The following PPP3CA variants were observed in gnomAD, a reference collection of about 807,000 sequenced individuals.
PPP3CA encodes the protein protein phosphatase 3 catalytic subunit alpha.
Under a neutral mutation model 66.5 loss-of-function variants are expected in PPP3CA, and 14 were observed. That is an observed-to-expected ratio of 0.21 (90% CI 0.14 to 0.33). PPP3CA has a LOEUF of 0.33. Among genes scored for constraint, PPP3CA ranks in the 10% least tolerant of loss-of-function variants. PPP3CA has a pLI of 1.00. For missense variants in PPP3CA, 317 were observed against 639.5 expected (o/e 0.50, Z 5.44); for synonymous variants, 232 against 226.2 (o/e 1.03, Z -0.23).
At chr4:101,295,325 A>G (rs1029139528) in intron 1 of PPP3CA, among the ~76,000 whole-genome samples, 1 of 151,144 alleles carries the variant, frequency 6.6e-6, no homozygotes, top group East Asian at 1.9e-4. Flanking sequence ...AAAAAAAAAA[A>G]AAAAAAGAAA....
At chr4:101,173,505 ATATTTAC>A (rs1320370781) in intron 2 of PPP3CA, among the ~76,000 whole-genome samples, 4 of 152,316 alleles carry the variant, frequency 2.6e-5, no homozygotes, top group African/African-American at 9.6e-5. Flanking sequence ...TAACAGTATC[ATATTTAC>A]ACTACACACT....
intron 1 of PPP3CA, among the ~76,000 whole-genome samples, chr4:101,277,305 T>C (rs939035988): frequency 6.6e-6 from 1 of 152,208 alleles, no homozygotes; most frequent in Non-Finnish European, 1.5e-5. Flanking sequence ...CATTCACTTA[T>C]TGAAAGACAT....
intron 2 of PPP3CA, among the ~76,000 whole-genome samples, chr4:101,130,499 G>A (rs1320193951): frequency 6.6e-6 from 1 of 152,172 alleles, no homozygotes; most frequent in Non-Finnish European, 1.5e-5. Flanking sequence ...AGCAGCCAGA[G>A]AGAATGGTTG....
At position 101,341,758 on chromosome 4, in the gene PPP3CA, T is replaced by C. The variant is rs2110342651; in HGVS notation, c.58+4981A>G. On this transcript the variant is annotated intron_variant, in intron 1 of 13. Coordinates refer to ENST00000394854, the MANE Select transcript of PPP3CA (RefSeq NM_000944.5). ...GTTCAAGGTCTCACCATATCCCTCT[T>C]GTATATCAAGAGACTGCTACATCAG... 2.0e-5 allele frequency among the ~76,000 whole-genome samples: 3 copies of C among 152,322 alleles called. No homozygotes were observed. In the South Asian group the frequency reaches 6.2e-4, roughly 32 times the overall value.
intron 1 of PPP3CA, among the ~76,000 whole-genome samples, chr4:101,263,448 T>G (rs75428804): frequency 0.014 from 2,120 of 152,288 alleles, 51 homozygotes; most frequent in African/African-American, 0.048. Context: ...CAAACAAATG[T>G]TTTTGTTAAT....
At chr4:101,050,668 C>A (rs1727969310) in intron 10 of PPP3CA, among the ~76,000 whole-genome samples, 1 of 152,166 alleles carries the variant, frequency 6.6e-6, no homozygotes. Context: ...AACAAGGATT[C>A]ATTACAGTAC....
At chr4:101,319,002 T>A (rs1728960999) in intron 1 of PPP3CA, among the ~76,000 whole-genome samples, 6 of 152,096 alleles carry the variant, frequency 3.9e-5, no homozygotes, top group Admixed American at 3.9e-4. Flanking sequence ...TAGCTCCATT[T>A]CTGCTGGACA....
intron 2 of PPP3CA, among the ~76,000 whole-genome samples, chr4:101,140,735 TATC>T (rs139071137): frequency 0.04 from 6,046 of 152,284 alleles, 200 homozygotes; most frequent in Middle Eastern, 0.11. Flanking sequence ...ATATTAGAAT[TATC>T]ATGCAGAATG....
At chr4:101,241,106 A>G (rs1726293423) in intron 1 of PPP3CA, among the ~76,000 whole-genome samples, 1 of 151,940 alleles carries the variant, frequency 6.6e-6, no homozygotes, top group Admixed American at 6.6e-5. Context: ...GACTCAAGCA[A>G]TCCTCCTGCT....
intron 2 of PPP3CA, among the ~76,000 whole-genome samples, chr4:101,148,735 T>C (rs1005158172): frequency 2.0e-5 from 3 of 152,096 alleles, no homozygotes; most frequent in Admixed American, 1.3e-4. Flanking sequence ...AAATGTACCA[T>C]CAGACCCAGG....
intron 2 of PPP3CA, among the ~76,000 whole-genome samples, chr4:101,135,230 A>C (rs1722579197): frequency 7.3e-6 from 1 of 137,076 alleles, no homozygotes; most frequent in Non-Finnish European, 1.5e-5. Context: ...ACAATAAAAA[A>C]ATTTTAATCC....
chr4:101,206,881 C>A (rs1010122839), intron 1 of PPP3CA, among the ~76,000 whole-genome samples: 7 of 152,074 alleles, frequency 4.6e-5, no homozygotes, highest in Non-Finnish European at 1.0e-4. Context: ...AACAACAGAA[C>A]ACTGAAACCT....
intron 11 of PPP3CA, among the ~76,000 whole-genome samples, chr4:101,033,990 C>T (rs1186148878): frequency 6.6e-6 from 1 of 152,186 alleles, no homozygotes; most frequent in Non-Finnish European, 1.5e-5. Context: ...CCCCTCCTCC[C>T]ACAGCTGTTC....
chr4:101,057,125 G>A (rs1728259873), intron 10 of PPP3CA, among the ~76,000 whole-genome samples: 2 of 151,888 alleles, frequency 1.3e-5, no homozygotes, highest in Non-Finnish European at 2.9e-5. Context: ...TGCAATCACG[G>A]CTCACTGCAA....
At chr4:101,184,119 C>T (rs1724330708) in intron 2 of PPP3CA, among the ~76,000 whole-genome samples, 1 of 152,144 alleles carries the variant, frequency 6.6e-6, no homozygotes, top group Non-Finnish European at 1.5e-5. Flanking sequence ...ATCAAAGACA[C>T]AGAGCTAACA....
intron 1 of PPP3CA, among the ~76,000 whole-genome samples, chr4:101,303,361 A>C (rs1728437588): frequency 6.6e-6 from 1 of 152,214 alleles, no homozygotes; most frequent in South Asian, 2.1e-4. Context: ...CTACAAGTAC[A>C]CAAAAATATA....
chr4:101,267,792 T>A (rs1174090419), intron 1 of PPP3CA, among the ~76,000 whole-genome samples: 4 of 152,218 alleles, frequency 2.6e-5, no homozygotes, highest in Non-Finnish European at 5.9e-5. Context: ...ATTTGTATTG[T>A]GCAAGAATTT....
chr4:101,200,101 A>G (rs1331262434), intron 1 of PPP3CA, among the ~76,000 whole-genome samples: 1 of 152,038 alleles, frequency 6.6e-6, no homozygotes, highest in Non-Finnish European at 1.5e-5. Flanking sequence ...ATCCACTATC[A>G]CTCTGGGATA....
chr4:101,267,341 G>T (rs1727199136), intron 1 of PPP3CA, among the ~76,000 whole-genome samples: 1 of 152,124 alleles, frequency 6.6e-6, no homozygotes, highest in South Asian at 2.1e-4. Flanking sequence ...CCATAAATGT[G>T]AATAAAGATT....
Sources: allele counts gnomAD v4.1 joint callset (sites outside exome capture counted in the v4.1 genomes callset), GRCh38; gene constraint gnomAD v4.1.1; transcripts MANE v1.5; gene names NCBI Gene and HGNC (gene_info 2026-07-23, HGNC 2026-07-21).